TRMT11: variants seen among roughly 807,000 people sequenced by gnomAD.
TRMT11 encodes tRNA (guanine(10)-N(2))-methyltransferase TRMT11.
Under a neutral mutation model 62.8 loss-of-function variants are expected in TRMT11, and 53 were observed. That is an observed-to-expected ratio of 0.84 (90% confidence interval 0.68 to 1.06). The LOEUF (loss-of-function observed/expected upper bound fraction) is 1.06, where lower values mean the gene tolerates loss of function less well. Ranked by LOEUF, TRMT11 falls within the 50% of genes least tolerant of loss-of-function variation. The probability of loss-of-function intolerance (pLI) is 0.00; values close to 1 mark genes in which losing one functional copy is unlikely to be tolerated. For missense variants in TRMT11, 556 were observed against 553.4 expected (o/e 1.00, Z -0.05); for synonymous variants, 188 against 190.3 (o/e 0.99, Z 0.10).
the TRMT11 span, among the ~76,000 whole-genome samples, chr6:126,245,282 G>T: frequency 9.2e-5 from 14 of 152,184 alleles, no homozygotes; most frequent in African/African-American, 3.4e-4. Context: ...TGTGGACAAA[G>T]AAGAGTGTTT....
chr6:126,096,615 C>G (rs192239512), intron 17 of TRMT11, among the ~76,000 whole-genome samples: 13 of 151,934 alleles, frequency 8.6e-5, no homozygotes, highest in African/African-American at 3.1e-4. Context: ...CATTAGGGCA[C>G]TGGTACTGAT....
chr6:126,202,016 T>G (rs1000898036), intron 3 of TRMT11: 1 of 152,192 alleles, frequency 6.6e-6, no homozygotes, highest in Admixed American at 6.5e-5. Flanking sequence ...TTTTTATGTT[T>G]GTATTCTCCA....
chr6:126,107,375 C>G (rs1387823589), intron 17 of TRMT11, among the ~76,000 whole-genome samples: 1 of 152,108 alleles, frequency 6.6e-6, no homozygotes, highest in African/African-American at 2.4e-5. Flanking sequence ...AAGCCAATTC[C>G]CTTTTCTTTG....
intron 17 of TRMT11, among the ~76,000 whole-genome samples, chr6:126,108,190 A>G (rs568652967): frequency 1.3e-5 from 2 of 152,272 alleles, no homozygotes; most frequent in Non-Finnish European, 1.5e-5. Context: ...CACTTTGTTT[A>G]GATTTGTCAC....
chr6:126,117,580 T>G (rs1562326783), intron 21 of TRMT11, among the ~76,000 whole-genome samples: 1 of 152,096 alleles, frequency 6.6e-6, no homozygotes, highest in Non-Finnish European at 1.5e-5. Flanking sequence ...ATATTAGTTT[T>G]TTTGCATTTT....
chr6:126,153,145 A>G (rs1778078123), intron 21 of TRMT11, among the ~76,000 whole-genome samples: 1 of 152,230 alleles, frequency 6.6e-6, no homozygotes, highest in African/African-American at 2.4e-5. Context: ...TCTTGGAAAT[A>G]TCATTCCAGG....
chr6:126,090,399 A>G (rs1436170026), intron 17 of TRMT11, among the ~76,000 whole-genome samples: 7 of 152,218 alleles, frequency 4.6e-5, no homozygotes, highest in Non-Finnish European at 7.3e-5. Flanking sequence ...AAGTTGTGAA[A>G]AGCCTTCACC....
chr6:126,171,687 A>C (rs898031452), intron 21 of TRMT11, among the ~76,000 whole-genome samples: 3 of 152,102 alleles, frequency 2.0e-5, no homozygotes, highest in African/African-American at 7.2e-5. Flanking sequence ...TGTAGTTTTA[A>C]AATCGGATCT....
intron 1 of TRMT11, among the ~76,000 whole-genome samples, chr6:125,991,870 A>G (rs1280352144): frequency 1.3e-5 from 2 of 152,220 alleles, no homozygotes; most frequent in African/African-American, 4.8e-5. Context: ...CTAAAGTTCA[A>G]ACTCCTGGGT....
chr6:126,097,594 GTGTC>G (rs1322971719), intron 17 of TRMT11, among the ~76,000 whole-genome samples: 1 of 151,842 alleles, frequency 6.6e-6, no homozygotes, highest in Non-Finnish European at 1.5e-5. Context: ...ATTTTTAAAA[GTGTC>G]TGAAGCATGG....
chr6:126,271,909 CAA>C, the TRMT11 span, among the ~76,000 whole-genome samples: 2 of 152,010 alleles, frequency 1.3e-5, no homozygotes, highest in African/African-American at 4.8e-5. Context: ...GGTGAAGTGT[CAA>C]TAGATAGCAG....
rs1776404145 is a variant in TRMT11, at chr6:126,057,425, T to C, written c.*1437+4235T>C. On this transcript the variant is annotated intron_variant and NMD_transcript_variant, in intron 17 of 22. Transcript: ENST00000648977. ...GGGATATTTGGCTGGAGGCACTGAT[T>C]GTATTAGCTGCCCTATTAGGGGATG... 2.0e-5 allele frequency among the ~76,000 whole-genome samples: 3 copies of C among 152,232 alleles called. No homozygotes were observed. In the South Asian group the frequency reaches 6.2e-4, roughly 32 times the overall value.
At chr6:126,082,327 TATA>T (rs1777166687) in intron 17 of TRMT11, among the ~76,000 whole-genome samples, 2 of 152,022 alleles carry the variant, frequency 1.3e-5, no homozygotes, top group South Asian at 4.1e-4. Context: ...TATACTGTAT[TATA>T]TTATCAATAT....
chr6:126,023,661 C>CA (rs1052063148), intron 12 of TRMT11, among the ~76,000 whole-genome samples: 2 of 151,348 alleles, frequency 1.3e-5, no homozygotes, highest in Non-Finnish European at 3.0e-5. Flanking sequence ...CAAACAACAA[C>CA]AAAAAAAATA....
the TRMT11 span, among the ~76,000 whole-genome samples, chr6:126,243,437 A>G: frequency 1.3e-5 from 2 of 152,222 alleles, no homozygotes; most frequent in Non-Finnish European, 2.9e-5. Context: ...ATTACTGGGT[A>G]TATACCCAAA....
At chr6:126,032,919 A>G (rs545889616) in intron 12 of TRMT11, among the ~76,000 whole-genome samples, 1 of 152,178 alleles carries the variant, frequency 6.6e-6, no homozygotes. Flanking sequence ...GGTAGCCAAA[A>G]GTTTTCTGTT....
At chr6:126,144,981 A>G (rs1405065272) in intron 21 of TRMT11, among the ~76,000 whole-genome samples, 1 of 152,202 alleles carries the variant, frequency 6.6e-6, no homozygotes, top group Non-Finnish European at 1.5e-5. Context: ...TTTCCATGCC[A>G]ATAAATATAG....
At chr6:126,171,949 T>G (rs1778334566) in intron 21 of TRMT11, among the ~76,000 whole-genome samples, 1 of 151,982 alleles carries the variant, frequency 6.6e-6, no homozygotes, top group South Asian at 2.1e-4. Flanking sequence ...AAACTCCTGA[T>G]CTCAGGTGAT....
chr6:126,231,257 A>C, the TRMT11 span, among the ~76,000 whole-genome samples: 1 of 152,212 alleles, frequency 6.6e-6, no homozygotes, highest in Non-Finnish European at 1.5e-5. Context: ...AAATGTCAGA[A>C]TACAGTTGAC....
Sources: gnomAD v4.1 joint callset for allele counts (sites outside exome capture counted in the v4.1 genomes callset) on GRCh38, gnomAD v4.1.1 for gene constraint, MANE v1.5 for transcripts, NCBI Gene and HGNC (gene_info 2026-07-23, HGNC 2026-07-21) for gene names.